Variants in GRAP2 observed in about 807,000 individuals in gnomAD.
The protein encoded by GRAP2 is GRB2 related adaptor protein 2, also known as GRB2-related adapter protein 2.
Under a neutral mutation model 43.5 loss-of-function variants are expected in GRAP2, and 31 were observed. That is an observed-to-expected ratio of 0.71 (90% confidence interval 0.54 to 0.96). The LOEUF is 0.96. Ranked by LOEUF, GRAP2 falls within the 40% of genes least tolerant of loss-of-function variation. The pLI is 0.00. For synonymous variants in GRAP2, 156 were observed against 164.8 expected (o/e 0.95, Z 0.41); for missense variants, 371 against 424.4 (o/e 0.87, Z 1.11).
At position 39,971,692 on chromosome 22, in the gene GRAP2, C is replaced by G. The variant is rs1010216448; in HGVS notation, c.*608C>G. ...ACCCTGCCTGTGCAAGGCTGGCCTC[C>G]TAGTCAACACCTAGCTGAGACATTC... On this transcript the variant is annotated 3_prime_UTR_variant, in exon 8 of 8. Transcript: ENST00000344138. The G allele has an allele frequency of 2.0e-5, 3 of 152,260 alleles. No individual in the cohort carries two copies. The highest frequency in any genetic ancestry group is 6.5e-5 in the Admixed American group (1 of 15,278). 9.4% of individuals were successfully genotyped at this position (152,260 alleles called of 1,614,324 possible).
At chr22:39,908,611 T>C (rs1221365260) in intron 1 of GRAP2, among the ~76,000 whole-genome samples, 1 of 152,216 alleles carries the variant, frequency 6.6e-6, no homozygotes, top group East Asian at 1.9e-4. Context: ...CCAGAATTGT[T>C]CTTGGAAGTT....
rs1317667301 is a variant in GRAP2, at chr22:39,964,385, A to G, written c.291-1605A>G. ...GGGGCGGCAGGCGCCATGTCCAGCC[A>G]CGAAGGTGGCAAGAAGAAGGCACTG... On this transcript the variant is annotated intron_variant, in intron 4 of 7. Transcript: ENST00000344138. 4.0e-6 allele frequency: 3 copies of G among 758,768 alleles called. No homozygotes were observed. The African/African-American group carries it at 5.1e-5, about 13-fold the overall frequency. 47.0% of individuals were successfully genotyped at this position (758,768 alleles called of 1,614,324 possible).
chr22:39,940,995 G>A (rs1289459375), intron 1 of GRAP2, among the ~76,000 whole-genome samples: 1 of 152,172 alleles, frequency 6.6e-6, no homozygotes, highest in Non-Finnish European at 1.5e-5. Flanking sequence ...AAATAAATCA[G>A]ACCTCTTAGT....
At chr22:39,966,720 A>C (rs958128708) in intron 5 of GRAP2, among the ~76,000 whole-genome samples, 3 of 152,248 alleles carry the variant, frequency 2.0e-5, no homozygotes, top group Non-Finnish European at 2.9e-5. Context: ...TGTTTGCAAT[A>C]CAGACTATTG....
chr22:39,959,965 T>C, intron 3 of GRAP2, 90 bp from the exon 4 acceptor site: 1 of 1,221,538 alleles, frequency 8.2e-7, no homozygotes, highest in African/African-American at 1.5e-5. Flanking sequence ...GTCCCCAGCC[T>C]CTTTCCCTCT....
At chr22:39,943,113 G>A (rs564241939) in intron 1 of GRAP2, among the ~76,000 whole-genome samples, 1 of 152,326 alleles carries the variant, frequency 6.6e-6, no homozygotes, top group East Asian at 1.9e-4. Flanking sequence ...AACTTAGGAG[G>A]AGCTGAATTT....
intron 1 of GRAP2, among the ~76,000 whole-genome samples, chr22:39,931,611 A>T (rs557378220): frequency 9.8e-5 from 15 of 152,308 alleles, no homozygotes; most frequent in Admixed American, 6.5e-4. Context: ...TGCCCAGGAA[A>T]TTTTTTGCTG....
At chr22:39,947,258 T>C in intron 2 of GRAP2, 74 bp downstream of exon 2, 1 of 803,632 alleles carries the variant, frequency 1.2e-6, no homozygotes, top group Admixed American at 1.7e-5. Flanking sequence ...CCTGCCTTTG[T>C]CTCTTAAGAA....
At chr22:39,933,080 G>C (rs530702112) in intron 1 of GRAP2, among the ~76,000 whole-genome samples, 1 of 152,228 alleles carries the variant, frequency 6.6e-6, no homozygotes, top group African/African-American at 2.4e-5. Context: ...GGGGTATGAG[G>C]GGGGCAGGCC....
intron 3 of GRAP2, among the ~76,000 whole-genome samples, chr22:39,958,348 C>T (rs2067080703): frequency 6.6e-6 from 1 of 152,190 alleles, no homozygotes; most frequent in Admixed American, 6.5e-5. Flanking sequence ...CATCTCTCCT[C>T]TCAGTTTTCA....
chr22:39,901,401 CTGTA>C, intron 1 of GRAP2, 71 bp downstream of exon 1: 1 of 511,018 alleles, frequency 2.0e-6, no homozygotes. Context: ...GCAGAATGTT[CTGTA>C]TGAGTTAATT....
At chr22:39,903,714 C>G (rs1025360223) in intron 1 of GRAP2, among the ~76,000 whole-genome samples, 109 of 152,114 alleles carry the variant, frequency 7.2e-4, no homozygotes, top group African/African-American at 2.5e-3. Flanking sequence ...TGAACTCAAG[C>G]GATTCGCCTG....
intron 1 of GRAP2, among the ~76,000 whole-genome samples, chr22:39,905,755 C>T (rs1367206538): frequency 1.3e-5 from 2 of 152,156 alleles, no homozygotes; most frequent in Non-Finnish European, 2.9e-5. Flanking sequence ...CACAAGGTCA[C>T]TTAACTAGTA....
chr22:39,973,102 C>T lies in GRAP2; in HGVS notation c.*2018C>T, dbSNP rs2067262119. 6.6e-6 allele frequency: 1 copy of T among 152,424 alleles called. No homozygotes were observed. Among genetic ancestry groups the T allele is most frequent in the South Asian group, 2.1e-4 (1 of 4,828 alleles). The allele number at this position is 152,424 out of a possible 1,614,324, so 9.4% of individuals were successfully genotyped here. A position where few individuals can be genotyped will look rare whatever the true frequency, so the allele number is the denominator to read the frequency against. Reference sequence around the variant, plus strand: ...ACAAAGGCAGAGAAGACCTCCTCAGCTATTTTGGTGCTAGGTAATGTGAAA... The same window carrying T: ...ACAAAGGCAGAGAAGACCTCCTCAGTTATTTTGGTGCTAGGTAATGTGAAA... On this transcript the variant is annotated 3_prime_UTR_variant, in exon 8 of 8. Transcript: ENST00000344138.
At chr22:39,936,759 G>A (rs1464873341) in intron 1 of GRAP2, among the ~76,000 whole-genome samples, 2 of 152,294 alleles carry the variant, frequency 1.3e-5, no homozygotes, top group East Asian at 1.9e-4. Context: ...GCGACAGTTT[G>A]TAAGTCTATT....
intron 1 of GRAP2, among the ~76,000 whole-genome samples, chr22:39,917,602 A>C (rs996677611): frequency 7.2e-5 from 11 of 152,356 alleles, no homozygotes; most frequent in African/African-American, 2.6e-4. Flanking sequence ...CCTTCTGGAT[A>C]TATGACTAGT....
intron 1 of GRAP2, among the ~76,000 whole-genome samples, chr22:39,926,408 T>C (rs1372525570): frequency 6.7e-6 from 1 of 149,854 alleles, no homozygotes; most frequent in Non-Finnish European, 1.5e-5. Context: ...TGAAATAAAC[T>C]GTGTGCCAGA....
intron 2 of GRAP2, among the ~76,000 whole-genome samples, chr22:39,955,324 C>T (rs2067035528): frequency 6.6e-6 from 1 of 151,954 alleles, no homozygotes; most frequent in Non-Finnish European, 1.5e-5. Context: ...CGCCACTGCA[C>T]TCCAGCCTGG....
At chr22:39,937,130 A>C (rs1349662308) in intron 1 of GRAP2, among the ~76,000 whole-genome samples, 1 of 152,210 alleles carries the variant, frequency 6.6e-6, no homozygotes, top group Non-Finnish European at 1.5e-5. Flanking sequence ...TGATAGTAAC[A>C]ATAATAAATG....
Sources: gnomAD v4.1 joint callset for allele counts (sites outside exome capture counted in the v4.1 genomes callset) on GRCh38, gnomAD v4.1.1 for gene constraint, MANE v1.5 for transcripts, NCBI Gene and HGNC (gene_info 2026-07-23, HGNC 2026-07-21) for gene names.